The following SUGCT variants were observed in gnomAD, a reference collection of about 807,000 sequenced individuals.
The protein encoded by SUGCT is succinyl-CoA:glutarate-CoA transferase, also known as succinyl-CoA:glutarate CoA-transferase.
A neutral mutation model predicts 55.0 loss-of-function variants in SUGCT; 41 were observed. The ratio of observed to expected loss-of-function variants is 0.74; its 90% CI spans 0.58 to 0.97. The LOEUF (loss-of-function observed/expected upper bound fraction) is 0.97. Among genes scored for constraint, SUGCT ranks in the 50% least tolerant of loss-of-function variants. SUGCT has a pLI of 0.00. For synonymous variants in SUGCT, 187 were observed against 200.4 expected, an observed-to-expected ratio of 0.93 and a Z score of 0.56; for missense variants, 568 against 547.8, an observed-to-expected ratio of 1.04 and a Z score of -0.37.
intron 13 of SUGCT, among the ~76,000 whole-genome samples, chr7:40,855,851 T>A (rs1354310491): frequency 6.6e-6 from 1 of 152,206 alleles, no homozygotes; most frequent in African/African-American, 2.4e-5. Context: ...ATATTAAAAA[T>A]TTTTAACTTT....
chr7:40,144,832 A>G (rs1228821631), intron 1 of SUGCT, among the ~76,000 whole-genome samples: 2 of 152,172 alleles, frequency 1.3e-5, no homozygotes, highest in Non-Finnish European at 2.9e-5. Context: ...ATATTTGACA[A>G]TGCTTCCTGT....
chr7:40,975,538 C>T, the SUGCT span, among the ~76,000 whole-genome samples: 1 of 152,194 alleles, frequency 6.6e-6, no homozygotes, highest in Non-Finnish European at 1.5e-5. Context: ...GGTAGGCTGT[C>T]CCTCTGATCC....
intron 7 of SUGCT, among the ~76,000 whole-genome samples, chr7:40,241,623 A>T (rs976618451): frequency 2.7e-5 from 4 of 150,726 alleles, no homozygotes; most frequent in African/African-American, 9.8e-5. Flanking sequence ...GGAAAATTTT[A>T]TGAAAGAAGT....
intron 9 of SUGCT, among the ~76,000 whole-genome samples, chr7:40,413,052 GC>G (rs897424238): frequency 2.0e-5 from 3 of 151,646 alleles, no homozygotes; most frequent in Non-Finnish European, 4.4e-5. Flanking sequence ...TCTTGTATTT[GC>G]CCAAAAATAA....
chr7:40,248,932 T>C (rs68000011), intron 7 of SUGCT, among the ~76,000 whole-genome samples: 11,024 of 77,118 alleles, frequency 0.14, 499 homozygotes, highest in Non-Finnish European at 0.22. Flanking sequence ...ACACTCCCTC[T>C]CTCTCTGTCT....
chr7:40,278,613 C>T (rs999838755), intron 8 of SUGCT, among the ~76,000 whole-genome samples: 2 of 152,102 alleles, frequency 1.3e-5, no homozygotes, highest in African/African-American at 4.8e-5. Context: ...CTCTGTTTGC[C>T]TCTGCTTTAT....
chr7:40,932,087 T>A, the SUGCT span, among the ~76,000 whole-genome samples: 1 of 152,252 alleles, frequency 6.6e-6, no homozygotes, highest in Non-Finnish European at 1.5e-5. Context: ...CTCTACACGC[T>A]GCTTTAAATG....
intron 12 of SUGCT, among the ~76,000 whole-genome samples, chr7:40,656,575 T>G (rs2151847089): frequency 6.6e-6 from 1 of 152,356 alleles, no homozygotes; most frequent in Admixed American, 6.5e-5. Flanking sequence ...CCTACAATAA[T>G]TGGTTAGTGT....
intron 7 of SUGCT, among the ~76,000 whole-genome samples, chr7:40,272,835 T>A (rs142125050): frequency 0.017 from 2,514 of 151,898 alleles, 59 homozygotes; most frequent in African/African-American, 0.058. Context: ...AATTTTTGTA[T>A]TTTCAGTAGA....
intron 12 of SUGCT, among the ~76,000 whole-genome samples, chr7:40,572,870 T>TG (rs1796527310): frequency 1.3e-5 from 2 of 152,114 alleles, no homozygotes; most frequent in Non-Finnish European, 2.9e-5. Context: ...CATTGTGGCA[T>TG]CAAACTTCTG....
At chr7:40,147,707 G>C (rs936277778) in intron 1 of SUGCT, among the ~76,000 whole-genome samples, 13 of 152,154 alleles carry the variant, frequency 8.5e-5, no homozygotes, top group African/African-American at 3.1e-4. Flanking sequence ...CTCCCACTGG[G>C]TGGGTCCTGA....
At chr7:40,486,667 A>G (rs559503125) in intron 11 of SUGCT, among the ~76,000 whole-genome samples, 1 of 148,554 alleles carries the variant, frequency 6.7e-6, no homozygotes, top group African/African-American at 2.5e-5. Context: ...TATGTTGTGT[A>G]TCCATTTATA....
intron 13 of SUGCT, among the ~76,000 whole-genome samples, chr7:40,847,369 G>T (rs1358900779): frequency 2.7e-5 from 4 of 150,278 alleles, no homozygotes; most frequent in East Asian, 2.0e-4. Flanking sequence ...ACAATTGAGG[G>T]TTCTGTCCTG....
intron 11 of SUGCT, among the ~76,000 whole-genome samples, chr7:40,461,076 T>C (rs555802217): frequency 3.3e-5 from 5 of 152,292 alleles, no homozygotes; most frequent in Admixed American, 3.3e-4. Flanking sequence ...GTTGCAGTTC[T>C]CCAAGTCTCT....
At chr7:40,822,466 T>A (rs1357958030) in intron 13 of SUGCT, among the ~76,000 whole-genome samples, 1 of 152,178 alleles carries the variant, frequency 6.6e-6, no homozygotes, top group African/African-American at 2.4e-5. Flanking sequence ...GGTGCATATA[T>A]ATTTAGTATA....
chr7:40,875,878 C>G, the SUGCT span, among the ~76,000 whole-genome samples: 1 of 152,122 alleles, frequency 6.6e-6, no homozygotes, highest in Non-Finnish European at 1.5e-5. Context: ...GAAAGTTTGC[C>G]TCACCTTTTC....
intron 9 of SUGCT, among the ~76,000 whole-genome samples, chr7:40,415,748 T>A (rs1342095898): frequency 1.3e-5 from 2 of 152,122 alleles, no homozygotes; most frequent in Non-Finnish European, 2.9e-5. Context: ...GAATAAATAC[T>A]TTTTTCTTAC....
At chr7:40,755,300 T>C (rs1788198683) in intron 13 of SUGCT, among the ~76,000 whole-genome samples, 1 of 152,234 alleles carries the variant, frequency 6.6e-6, no homozygotes, top group South Asian at 2.1e-4. Flanking sequence ...TCTATCTCTG[T>C]TGAAGACTTT....
chr7:40,607,223 C>A (rs534589276), intron 12 of SUGCT, among the ~76,000 whole-genome samples: 1 of 152,020 alleles, frequency 6.6e-6, no homozygotes, highest in South Asian at 2.1e-4. Context: ...CCCACCTCAG[C>A]CCCCCAAGTA....
Sources: gnomAD v4.1 joint callset for allele counts (sites outside exome capture counted in the v4.1 genomes callset) on GRCh38, gnomAD v4.1.1 for gene constraint, MANE v1.5 for transcripts, NCBI Gene and HGNC (gene_info 2026-07-23, HGNC 2026-07-21) for gene names.